PURB: variants seen among roughly 807,000 people sequenced by gnomAD.
PURB encodes purine rich element binding protein B, also known as transcriptional regulator protein Pur-beta.
A neutral mutation model predicts 21.1 loss-of-function variants in PURB; 11 were observed. The observed-to-expected ratio is 0.52, with a 90% CI of 0.33 to 0.86. PURB has a LOEUF of 0.86. Among genes scored for constraint, PURB ranks in the 40% least tolerant of loss-of-function variants. The probability of loss-of-function intolerance (pLI) is 0.02; values close to 1 mark genes in which losing one functional copy is unlikely to be tolerated. For missense variants in PURB, 357 were observed against 456.5 expected (o/e 0.78, Z 1.99); for synonymous variants, 246 against 210.8 (o/e 1.17, Z -1.45).
chr7:44,882,705 T>C lies in PURB; in HGVS notation c.*1705A>G, dbSNP rs1207158076. On this transcript the variant is annotated 3_prime_UTR_variant, in exon 1 of 1. Coordinates refer to ENST00000395699, the MANE Select transcript of PURB (RefSeq NM_033224.5). ...AGGCAGCTCAAATAAGGGGCAGGCA[T>C]GCAGTTTAAAAAAAATACTAAGATT... 2 of 152,144 alleles carry C rather than the reference T, an allele frequency of 1.3e-5. No homozygotes were observed. The highest frequency in any genetic ancestry group is 6.5e-5 in the Admixed American group (1 of 15,276). The allele number at this position is 152,144 out of a possible 1,614,324, so 9.4% of individuals were successfully genotyped here.
rs1180089727 is a variant in PURB at position 44,880,453 on chromosome 7, C to G, written c.*3957G>C. On this transcript the variant is annotated 3_prime_UTR_variant, in exon 1 of 1. Transcript: ENST00000395699. The stretch of plus-strand genomic sequence containing the variant: ...CTTACACACTCCAGCTTCTCAATTT[C>G]ATCCACCTCAAGAGCAAGATAGATG... The G allele has an allele frequency of 6.6e-6, 1 of 152,658 alleles. No homozygotes were observed. Among genetic ancestry groups the G allele is most frequent in the Non-Finnish European group, 1.5e-5 (1 of 68,040 alleles). The allele number at this position is 152,658 out of a possible 1,614,324, so 9.5% of individuals were successfully genotyped here. A position where few individuals can be genotyped will look rare whatever the true frequency, so the allele number is the denominator to read the frequency against.
rs1733230206 is a variant in PURB, at chr7:44,882,046, CA to C, written c.*2363del. ...CAAGTTGGTCTATACAAGAATTGTA[CA>C]TGGTTTGAAAATGAAAAAGTTACAG... On this transcript the variant is annotated 3_prime_UTR_variant, in exon 1 of 1. Coordinates refer to ENST00000395699, the MANE Select transcript of PURB (RefSeq NM_033224.5). 2 of 152,796 alleles carry C rather than the reference CA, an allele frequency of 1.3e-5. No individual in the cohort carries two copies. The highest frequency in any genetic ancestry group is 2.9e-5 in the Non-Finnish European group (2 of 68,184). The allele number at this position is 152,796 out of a possible 1,614,324, so 9.5% of individuals were successfully genotyped here. A position where few individuals can be genotyped will look rare whatever the true frequency, so the allele number is the denominator to read the frequency against.
Position 44,878,144 on chromosome 7 carries a change from AT to A in PURB, c.*6265del, listed in dbSNP as rs1793826640. ...AAGAAATAAGAGATGGCCTAAATGGATATTTTGGAAAAAGTTAGCTATTGAA... is the reference window on the plus strand; with the variant it reads ...AAGAAATAAGAGATGGCCTAAATGGAATTTTGGAAAAAGTTAGCTATTGAA... On this transcript the variant is annotated 3_prime_UTR_variant, in exon 1 of 1. Coordinates refer to ENST00000395699, the MANE Select transcript of PURB (RefSeq NM_033224.5). 2 of 152,202 alleles carry A rather than the reference AT, an allele frequency of 1.3e-5. No individual in the cohort carries two copies. Among genetic ancestry groups the A allele is most frequent in the African/African-American group, 4.8e-5 (2 of 41,454 alleles). The allele number at this position is 152,202 out of a possible 1,614,324, so 9.4% of individuals were successfully genotyped here.
In PURB at chr7:44,880,306, A is replaced by C. The variant is rs1015586385; in HGVS notation, c.*4104T>G. On this transcript the variant is annotated 3_prime_UTR_variant, in exon 1 of 1. Coordinates refer to ENST00000395699, the MANE Select transcript of PURB (RefSeq NM_033224.5). ...ACTTTTCTCCTTCCCTTTCTCACTG[A>C]TCAAGGCCACACTATTTTCAAATGA... 1 of 152,610 alleles carries C rather than the reference A, an allele frequency of 6.6e-6. No homozygotes were observed. The highest frequency in any genetic ancestry group is 2.4e-5 in the African/African-American group (1 of 41,450). The allele number at this position is 152,610 out of a possible 1,614,324, so 9.5% of individuals were successfully genotyped here.
Position 44,884,522 on chromosome 7 carries a change from G to C in PURB, c.827C>G (p.Ala276Gly), listed in dbSNP as rs866349527. 1 of 1,613,956 alleles carries C rather than the reference G, an allele frequency of 6.2e-7. No individual in the cohort carries two copies. Among genetic ancestry groups the C allele is most frequent in the Non-Finnish European group, 8.5e-7 (1 of 1,180,010 alleles). ...GKFGGAFCRYADEMKEIQERQ... is the reference protein window; with the variant it reads ...GKFGGAFCRYGDEMKEIQERQ... ...TTCCTGGATTTCTTTCATCTCATCC[G>C]CATACCGGCAAAAGGCGCCTCCGAA... Residue 276 changes from alanine to glycine, a missense_variant, in exon 1 of 1, where the codon GCG becomes GGG. By Grantham distance (60) the Ala-to-Gly change is moderately conservative. Transcript: ENST00000395699.
At position 44,881,280 on chromosome 7, in the gene PURB, A is replaced by T. The variant is rs1160647573; in HGVS notation, c.*3130T>A. 6.6e-6 allele frequency: 1 copy of T among 152,258 alleles called. No individual in the cohort carries two copies. Among genetic ancestry groups the T allele is most frequent in the African/African-American group, 2.4e-5 (1 of 41,464 alleles). The allele number at this position is 152,258 out of a possible 1,614,324, so 9.4% of individuals were successfully genotyped here. A position where few individuals can be genotyped will look rare whatever the true frequency, so the allele number is the denominator to read the frequency against. ...CATAGCAACAACTGAAAAACAAAAA[A>T]ATTGGTTGTTTCCCATGTCTGTACA... On this transcript the variant is annotated 3_prime_UTR_variant, in exon 1 of 1. Coordinates refer to ENST00000395699, the MANE Select transcript of PURB (RefSeq NM_033224.5).
Position 44,877,206 on chromosome 7 carries a change from A to G in PURB, c.*7204T>C, listed in dbSNP as rs1049224014. On this transcript the variant is annotated 3_prime_UTR_variant, in exon 1 of 1. Coordinates refer to ENST00000395699, the MANE Select transcript of PURB (RefSeq NM_033224.5). ...TATGATTGGCAGTGAAGATTCCTATAGAACGGAAAGTATGTTATCTGGAAA... is the reference window on the plus strand; with the variant it reads ...TATGATTGGCAGTGAAGATTCCTATGGAACGGAAAGTATGTTATCTGGAAA... 1 of 152,580 alleles carries G rather than the reference A, an allele frequency of 6.6e-6. No individual in the cohort carries two copies. Among genetic ancestry groups the G allele is most frequent in the African/African-American group, 2.4e-5 (1 of 41,466 alleles). The allele number at this position is 152,580 out of a possible 1,614,324, so 9.5% of individuals were successfully genotyped here.
rs546402892 is a variant in PURB at position 44,877,808 on chromosome 7, C to CA, written c.*6601dup. On this transcript the variant is annotated 3_prime_UTR_variant, in exon 1 of 1. Transcript: ENST00000395699. ...GGACGATAAGAGCGAAACTCCGTCT[C>CA]AAAAAAAAAAAAAGAATCCAGAGAG... 7.1e-3 allele frequency: 889 copies of CA among 125,538 alleles called. 5 individuals are homozygous for CA. Among genetic ancestry groups the CA allele is most frequent in the East Asian group, 0.012 (53 of 4,492 alleles). 7.8% of individuals were successfully genotyped at this position (125,538 alleles called of 1,614,324 possible).
At position 44,883,803 on chromosome 7, in the gene PURB, T is replaced by C. The variant is rs1165511683; in HGVS notation, c.*607A>G. 6.6e-6 allele frequency: 1 copy of C among 152,258 alleles called. No individual in the cohort carries two copies. The highest frequency in any genetic ancestry group is 1.9e-4 in the East Asian group (1 of 5,198). 9.4% of individuals were successfully genotyped at this position (152,258 alleles called of 1,614,324 possible). On this transcript the variant is annotated 3_prime_UTR_variant, in exon 1 of 1. Transcript: ENST00000395699. ...TTTGGTTCTGTATTCTTAGATGGCT[T>C]CTTGAAATCTTATCTTTAACCTGTT...
rs1180913996 is a variant in PURB, at chr7:44,884,376, G to A, written c.*34C>T. On this transcript the variant is annotated 3_prime_UTR_variant, in exon 1 of 1. Coordinates refer to ENST00000395699, the MANE Select transcript of PURB (RefSeq NM_033224.5). The stretch of plus-strand genomic sequence containing the variant: ...GAATTCTCTAGCCAAGGGGATGGTG[G>A]TTGGGTGGAGGCCTGTAGGGGAAGC... 2.5e-6 allele frequency: 4 copies of A among 1,599,354 alleles called. No individual in the cohort carries two copies. Among genetic ancestry groups the A allele is most frequent in the Middle Eastern group, 1.7e-4 (1 of 6,014 alleles).
chr7:44,884,662 G>A lies in PURB; in HGVS notation c.687C>T (p.Ser229=), dbSNP rs1562802690. The change falls in exon 1 of 1, where the codon TCC becomes TCT. Residue 229 remains serine (S), a synonymous_variant. Transcript: ENST00000395699. ...AGCCCACATCGAAGAAGAAGCGCTT[G>A]GAGTCCACGGTGATGGAGGTGCCCT... The part of the protein sequence containing the change: ...LPEGTSITVD[S]KRFFFDVGCN... 1 of 1,614,056 alleles carries A rather than the reference G, an allele frequency of 6.2e-7. No individual in the cohort carries two copies. The highest frequency in any genetic ancestry group is 2.2e-5 in the East Asian group (1 of 44,894).
chr7:44,884,758 G>C lies in PURB; in HGVS notation c.591C>G (p.Asp197Glu), dbSNP rs1406562977. 1.4e-5 allele frequency: 22 copies of C among 1,610,746 alleles called. No individual in the cohort carries two copies. In the Admixed American group the frequency reaches 2.2e-4, roughly 16 times the overall value. The change falls in exon 1 of 1, where the codon GAC becomes GAG. Residue 197 changes from aspartate to glutamate, a missense_variant. Transcript: ENST00000395699. The stretch of plus-strand genomic sequence containing the variant: ...CTCCCGGGCCGCCTGCCAGCTCGTC[G>C]TCCTCGCCTCCGTAGTCGTCTATGA... The part of the protein sequence containing the change: ...AKLIDDYGGE[D>E]DELAGGPGGG...
Position 44,884,528 on chromosome 7 carries a change from C to A in PURB, c.821G>T (p.Arg274Leu). The change falls in exon 1 of 1, where the codon CGG becomes CTG. Residue 274 changes from arginine (R) to leucine (L), a missense_variant. Transcript: ENST00000395699. ...GATTTCTTTCATCTCATCCGCATAC[C>A]GGCAAAAGGCGCCTCCGAACTTGCC... ...AWGKFGGAFC[R>L]YADEMKEIQE... 1 of 1,614,104 alleles carries A rather than the reference C, an allele frequency of 6.2e-7. No homozygotes were observed. Among genetic ancestry groups the A allele is most frequent in the Non-Finnish European group, 8.5e-7 (1 of 1,180,030 alleles).
chr7:44,884,352 A>G lies in PURB; in HGVS notation c.*58T>C. On this transcript the variant is annotated 3_prime_UTR_variant, in exon 1 of 1. Coordinates refer to ENST00000395699, the MANE Select transcript of PURB (RefSeq NM_033224.5). The stretch of plus-strand genomic sequence containing the variant: ...CTCACTGGGGATGAGCAGGAAAGGG[A>G]ATTCTCTAGCCAAGGGGATGGTGGT... 1 of 1,576,236 alleles carries G rather than the reference A, an allele frequency of 6.3e-7. No individual in the cohort carries two copies. The highest frequency in any genetic ancestry group is 8.6e-7 in the Non-Finnish European group (1 of 1,163,656).
Position 44,885,319 on chromosome 7 carries a change from G to A in PURB, c.30C>T (p.Arg10=). The A allele has an allele frequency of 1.5e-6, 2 of 1,332,548 alleles. No homozygotes were observed. Among genetic ancestry groups the A allele is most frequent in the Non-Finnish European group, 1.9e-6 (2 of 1,046,940 alleles). 82.5% of individuals were successfully genotyped at this position (1,332,548 alleles called of 1,614,324 possible). MADGDSGSE[R]GGGGGPCGFQ... ...ACCCGCACGGCCCACCGCCGCCGCC[G>A]CGCTCGCTGCCGCTGTCGCCGTCCG... is the stretch of plus-strand genomic sequence containing the variant. Residue 10 remains arginine (R), a synonymous_variant, in exon 1 of 1, where the codon CGC becomes CGT. Transcript: ENST00000395699.
chr7:44,882,416 T>A lies in PURB; in HGVS notation c.*1994A>T, dbSNP rs530699019. On this transcript the variant is annotated 3_prime_UTR_variant, in exon 1 of 1. Transcript: ENST00000395699. ...ATCTGTTTAAAAATTCTACTGTGGA[T>A]GATGAGAGTAGAGAAATAGTCTGAA... The A allele has an allele frequency of 2.0e-5, 3 of 152,782 alleles. No homozygotes were observed. In the East Asian group the frequency reaches 5.8e-4, roughly 29 times the overall value. The allele number at this position is 152,782 out of a possible 1,614,324, so 9.5% of individuals were successfully genotyped here.
In PURB at chr7:44,884,293, C is replaced by T. The variant is rs1454473183; in HGVS notation, c.*117G>A. The T allele has an allele frequency of 1.3e-6, 2 of 1,497,874 alleles. No individual in the cohort carries two copies. Among genetic ancestry groups the T allele is most frequent in the Non-Finnish European group, 1.8e-6 (2 of 1,131,852 alleles). The allele number at this position is 1,497,874 out of a possible 1,614,324, so 92.8% of individuals were successfully genotyped here. On this transcript the variant is annotated 3_prime_UTR_variant, in exon 1 of 1. Transcript: ENST00000395699. Reference sequence around the variant, plus strand: ...TTAACTGTGTTACGTTTTGTTTTTTCCCTCTGCGGCCTCCCTTGCTCCCTC... The same window carrying T: ...TTAACTGTGTTACGTTTTGTTTTTTTCCTCTGCGGCCTCCCTTGCTCCCTC...
At position 44,884,355 on chromosome 7, in the gene PURB, T is replaced by A. The variant is rs1346370837; in HGVS notation, c.*55A>T. ...ACTGGGGATGAGCAGGAAAGGGAAT[T>A]CTCTAGCCAAGGGGATGGTGGTTGG... On this transcript the variant is annotated 3_prime_UTR_variant, in exon 1 of 1. Transcript: ENST00000395699. 3 of 1,579,294 alleles carry A rather than the reference T, an allele frequency of 1.9e-6. No individual in the cohort carries two copies. The highest frequency in any genetic ancestry group is 2.6e-6 in the Non-Finnish European group (3 of 1,164,930).
rs1257460386 is a variant in PURB at position 44,877,332 on chromosome 7, GA to G, written c.*7077del. On this transcript the variant is annotated 3_prime_UTR_variant, in exon 1 of 1. Transcript: ENST00000395699. ...TAATTGTTTTAGAACTTCAAAAAAA[GA>G]AGTCCAGATACACTGACGATCTTAG... 1 of 152,192 alleles carries G rather than the reference GA, an allele frequency of 6.6e-6. No individual in the cohort carries two copies. The highest frequency in any genetic ancestry group is 1.5e-5 in the Non-Finnish European group (1 of 68,024). 9.4% of individuals were successfully genotyped at this position (152,192 alleles called of 1,614,324 possible).
Sources: gnomAD v4.1 joint callset for allele counts on GRCh38, gnomAD v4.1.1 for gene constraint, MANE v1.5 for transcripts, NCBI Gene and HGNC (gene_info 2026-07-23, HGNC 2026-07-21) for gene names.